The following GC variants were observed in gnomAD, a reference collection of about 807,000 sequenced individuals.
GC encodes the protein vitamin D-binding protein.
In GC, 43 loss-of-function variants were observed where a neutral mutation model predicts 56.7. The observed-to-expected ratio is 0.76, with a 90% CI of 0.59 to 0.98. The LOEUF (loss-of-function observed/expected upper bound fraction) is 0.98, where lower values mean the gene tolerates loss of function less well. Among genes scored for constraint, GC ranks in the 50% least tolerant of loss-of-function variants. The pLI is 0.00. For missense variants in GC, 529 were observed against 545.9 expected (o/e 0.97, Z 0.31); for synonymous variants, 216 against 202.7 (o/e 1.07, Z -0.56).
chr4:71,759,325 T>C (rs923031879), intron 6 of GC, among the ~76,000 whole-genome samples: 1 of 152,180 alleles, frequency 6.6e-6, no homozygotes, highest in Non-Finnish European at 1.5e-5. Flanking sequence ...GGATTACATG[T>C]TAATTCTATT....
chr4:71,778,528 T>C (rs1190680576), intron 1 of GC, among the ~76,000 whole-genome samples: 1 of 151,932 alleles, frequency 6.6e-6, no homozygotes, highest in Non-Finnish European at 1.5e-5. Context: ...AGTTCATCAT[T>C]GCCATGTGAA....
At position 71,768,444 on chromosome 4, in the gene GC, A is replaced by G; in HGVS notation, c.129-11T>C. ...TACAGGACTAGTGACCTGAGGGGAA[A>G]ATAAGACAATATATCAATTAGAACT... is the stretch of plus-strand genomic sequence containing the variant. On this transcript the variant is annotated splice_polypyrimidine_tract_variant and intron_variant, in intron 2 of 12. Coordinates refer to ENST00000273951, the MANE Select transcript of GC (RefSeq NM_000583.4). The G allele has an allele frequency of 1.9e-6, 3 of 1,596,970 alleles. No individual in the cohort carries two copies. Among genetic ancestry groups the G allele is most frequent in the Non-Finnish European group, 2.6e-6 (3 of 1,172,520 alleles).
chr4:71,743,943 CCAAA>C, intron 12 of GC, among the ~76,000 whole-genome samples: 1 of 151,946 alleles, frequency 6.6e-6, no homozygotes, highest in Non-Finnish European at 1.5e-5. Flanking sequence ...ATTTGGGTAG[CCAAA>C]CAATTTAGTG....
chr4:71,776,078 T>C (rs959886966), intron 1 of GC, among the ~76,000 whole-genome samples: 1 of 152,028 alleles, frequency 6.6e-6, no homozygotes, highest in Admixed American at 6.6e-5. Context: ...ACAGCCATTA[T>C]GGAAAACAGT....
chr4:71,781,570 T>TA (rs1052009269), intron 1 of GC, among the ~76,000 whole-genome samples: 130 of 151,498 alleles, frequency 8.6e-4, no homozygotes, highest in African/African-American at 3.1e-3. Context: ...ATCTGCAAGT[T>TA]AAAAAAAAAT....
At chr4:71,751,811 T>C (rs2149294588) in intron 11 of GC, among the ~76,000 whole-genome samples, 1 of 152,050 alleles carries the variant, frequency 6.6e-6, no homozygotes, top group East Asian at 1.9e-4. Flanking sequence ...TTGGAGACAA[T>C]TGATAGTGTC....
intron 7 of GC, among the ~76,000 whole-genome samples, chr4:71,757,189 T>A (rs1289914061): frequency 6.6e-6 from 1 of 152,120 alleles, no homozygotes; most frequent in Non-Finnish European, 1.5e-5. Flanking sequence ...AACGATTGCC[T>A]AAAATATTTT....
chr4:71,753,721 A>T (rs1741628892), intron 10 of GC, among the ~76,000 whole-genome samples: 1 of 152,190 alleles, frequency 6.6e-6, no homozygotes, highest in Non-Finnish European at 1.5e-5. Context: ...TAACATTTCT[A>T]TTTCTAATTT....
At chr4:71,779,259 A>G (rs1742600770) in intron 1 of GC, among the ~76,000 whole-genome samples, 1 of 151,934 alleles carries the variant, frequency 6.6e-6, no homozygotes, top group Non-Finnish European at 1.5e-5. Context: ...CAATAAGCAA[A>G]TGAACAACCA....
intron 1 of GC, among the ~76,000 whole-genome samples, chr4:71,781,151 C>T (rs569192445): frequency 1.1e-3 from 161 of 152,038 alleles, no homozygotes; most frequent in African/African-American, 3.3e-3. Context: ...AACCACACAC[C>T]ACATGTTCTC....
At chr4:71,784,490 T>C (rs2149307258), upstream of GC, 1 of 161,030 alleles carries the variant, frequency 6.2e-6, no homozygotes, top group South Asian at 2.0e-4. Context: ...TGTTTAAATC[T>C]ACTACAAATA....
At chr4:71,786,283 T>C (rs1284628553), upstream of GC, among the ~76,000 whole-genome samples, 1 of 151,768 alleles carries the variant, frequency 6.6e-6, no homozygotes. Flanking sequence ...CCTTAATCTT[T>C]CAAATGTTGA....
chr4:71,775,516 G>C (rs1224005375), intron 1 of GC, among the ~76,000 whole-genome samples: 2 of 151,974 alleles, frequency 1.3e-5, no homozygotes, highest in Non-Finnish European at 2.9e-5. Context: ...ATGGATTAAA[G>C]GCTTAAATGT....
intron 1 of GC, among the ~76,000 whole-genome samples, chr4:71,776,734 A>G (rs917144913): frequency 1.1e-4 from 16 of 151,950 alleles, no homozygotes; most frequent in African/African-American, 3.6e-4. Flanking sequence ...ATATCAAACT[A>G]TTCCATTGTG....
chr4:71,754,849 G>T, intron 9 of GC, 129 bp downstream of exon 9: 1 of 611,432 alleles, frequency 1.6e-6, no homozygotes, highest in Non-Finnish European at 2.8e-6. Flanking sequence ...ATGTAAAAAT[G>T]TAAAACCATT....
intron 11 of GC, among the ~76,000 whole-genome samples, chr4:71,751,410 A>G (rs768868960): frequency 2.8e-4 from 43 of 152,220 alleles, no homozygotes; most frequent in Non-Finnish European, 7.3e-5. Context: ...ACTGTGGTTT[A>G]TAGGAGAAAA....
chr4:71,742,712 C>T (rs1038857441), intron 12 of GC, among the ~76,000 whole-genome samples: 12 of 152,144 alleles, frequency 7.9e-5, no homozygotes, highest in East Asian at 1.9e-4. Context: ...TGGTGGCTCA[C>T]GCCTGTAATC....
chr4:71,795,753 T>C (rs1298570840), intron 1 of GC, among the ~76,000 whole-genome samples: 1 of 152,212 alleles, frequency 6.6e-6, no homozygotes, highest in African/African-American at 2.4e-5. Context: ...TCCTAGCATC[T>C]ATGGGCTTTA....
Position 71,754,475 on chromosome 4 carries a change from T to G in GC, c.1198A>C (p.Ile400Leu), listed in dbSNP as rs1560692563. Residue 400 changes from isoleucine to leucine, a missense_variant, in exon 10 of 13, where the codon ATT becomes CTT. Physicochemically the swap from Ile to Leu is conservative, Grantham distance 5. Coordinates refer to ENST00000273951, the MANE Select transcript of GC (RefSeq NM_000583.4). ...GCACATAGTTCTTGTCCCTTGTCAA[T>G]GAAAGAAGATAGTTCCTTCTTTAGT... is the stretch of plus-strand genomic sequence containing the variant. ...PLLKKELSSF[I>L]DKGQELCADY... The G allele has an allele frequency of 1.3e-6, 2 of 1,585,000 alleles. No individual in the cohort carries two copies. Among genetic ancestry groups the G allele is most frequent in the Non-Finnish European group, 8.7e-7 (1 of 1,154,514 alleles).
Sources: allele counts gnomAD v4.1 joint callset (sites outside exome capture counted in the v4.1 genomes callset), GRCh38; gene constraint gnomAD v4.1.1; transcripts MANE v1.5; gene names NCBI Gene and HGNC (gene_info 2026-07-23, HGNC 2026-07-21).